Variants in GARRE1 observed in about 807,000 individuals in gnomAD.
The protein encoded by GARRE1 is granule associated Rac and RHOG effector protein 1.
A neutral mutation model predicts 103.2 loss-of-function variants in GARRE1; 49 were observed. The observed-to-expected ratio is 0.47, with a 90% CI of 0.38 to 0.60. The LOEUF (loss-of-function observed/expected upper bound fraction) is 0.60. GARRE1 is among the 20% of genes least tolerant of loss of function. The probability of loss-of-function intolerance (pLI) is 0.00; values close to 1 mark genes in which losing one functional copy is unlikely to be tolerated. For missense variants in GARRE1, 1,199 were observed against 1,370.5 expected (o/e 0.87, Z 1.98); for synonymous variants, 505 against 532.8 (o/e 0.95, Z 0.72).
intron 7 of GARRE1, among the ~76,000 whole-genome samples, chr19:34,332,721 T>G (rs754789984): frequency 6.6e-6 from 1 of 152,256 alleles, no homozygotes; most frequent in Non-Finnish European, 1.5e-5. Flanking sequence ...TACACAACTC[T>G]GTACAGTTTT....
At chr19:34,279,101 G>T (rs2073835616) in intron 1 of GARRE1, among the ~76,000 whole-genome samples, 2 of 152,308 alleles carry the variant, frequency 1.3e-5, no homozygotes, top group Admixed American at 1.3e-4. Flanking sequence ...GTGAACATGG[G>T]TGAAGAAATA....
At chr19:34,312,196 G>A (rs2074040419) in intron 2 of GARRE1, among the ~76,000 whole-genome samples, 1 of 152,106 alleles carries the variant, frequency 6.6e-6, no homozygotes, top group African/African-American at 2.4e-5. Flanking sequence ...CTAGTTAAGG[G>A]GCTATTAGAG....
At chr19:34,284,882 T>TATTAAA (rs2145225531) in intron 1 of GARRE1, among the ~76,000 whole-genome samples, 1 of 152,246 alleles carries the variant, frequency 6.6e-6, no homozygotes, top group African/African-American at 2.4e-5. Context: ...AGAAGAATTT[T>TATTAAA]ATTAAAATAA....
intron 1 of GARRE1, among the ~76,000 whole-genome samples, chr19:34,275,054 A>G (rs2073808941): frequency 6.6e-6 from 1 of 152,190 alleles, no homozygotes; most frequent in Non-Finnish European, 1.5e-5. Context: ...TGAACTTCAT[A>G]GACAATAACT....
chr19:34,321,213 A>T (rs1007062273), intron 3 of GARRE1, among the ~76,000 whole-genome samples: 23 of 131,382 alleles, frequency 1.8e-4, no homozygotes, highest in Middle Eastern at 4.8e-3. Flanking sequence ...CCCGCCACCA[A>T]GCCCGGCTAA....
chr19:34,297,044 T>C (rs765714533), intron 1 of GARRE1, among the ~76,000 whole-genome samples: 57 of 152,314 alleles, frequency 3.7e-4, no homozygotes, highest in Admixed American at 1.3e-3. Context: ...TCCAGCACTT[T>C]GGGAGGCCGA....
At chr19:34,261,284 C>T (rs980726797) in intron 1 of GARRE1, among the ~76,000 whole-genome samples, 4 of 152,108 alleles carry the variant, frequency 2.6e-5, no homozygotes, top group Non-Finnish European at 5.9e-5. Flanking sequence ...TAGCACCTTT[C>T]TCTTAGTGTT....
At chr19:34,339,292 G>A (rs2074174979) in intron 8 of GARRE1, among the ~76,000 whole-genome samples, 1 of 152,184 alleles carries the variant, frequency 6.6e-6, no homozygotes, top group Admixed American at 6.5e-5. Context: ...CTCCAGGTTT[G>A]ATATTTTGCT....
chr19:34,276,046 TG>T (rs1479152539), intron 1 of GARRE1, among the ~76,000 whole-genome samples: 30 of 152,252 alleles, frequency 2.0e-4, no homozygotes, highest in African/African-American at 7.0e-4. Flanking sequence ...GTGTTTTGTT[TG>T]TTTTTTTTTC....
chr19:34,314,378 G>A (rs1416859746), intron 2 of GARRE1, among the ~76,000 whole-genome samples: 1 of 152,218 alleles, frequency 6.6e-6, no homozygotes, highest in South Asian at 2.1e-4. Flanking sequence ...GTACAAATAT[G>A]GGCTGTTTAG....
rs372355125 is a variant in GARRE1 at position 34,349,057 on chromosome 19, C to G, written c.2729C>G (p.Ser910Cys). ...GGCTGGTCGGGTGCTCAGGGAGACT[C>G]TGCCAGCTCGAGTGATGAGACATCC... ...HGGWSGAQGDSASSSDETSSA... is the reference protein window; with the variant it reads ...HGGWSGAQGDCASSSDETSSA... The change falls in exon 12 of 14, where the codon TCT becomes TGT. Residue 910 changes from serine (S) to cysteine (C), a missense_variant. Transcript: ENST00000299505. 68 of 1,612,446 alleles carry G rather than the reference C, an allele frequency of 4.2e-5. No homozygotes were observed. Among genetic ancestry groups the G allele is most frequent in the Non-Finnish European group, 5.4e-5 (64 of 1,180,026 alleles).
intron 2 of GARRE1, among the ~76,000 whole-genome samples, chr19:34,311,325 C>T (rs908236575): frequency 2.6e-5 from 4 of 152,148 alleles, no homozygotes; most frequent in East Asian, 1.9e-4. Flanking sequence ...TGGTTCATGA[C>T]GGTGTAACTA....
intron 8 of GARRE1, 87 bp downstream of exon 8, chr19:34,333,888 C>CAT: frequency 1.2e-6 from 1 of 847,740 alleles, no homozygotes; most frequent in Non-Finnish European, 2.0e-6. Context: ...TGAACAATGC[C>CAT]CATGCTAGCT....
At chr19:34,301,783 T>C (rs1455684576) in intron 2 of GARRE1, among the ~76,000 whole-genome samples, 1 of 148,334 alleles carries the variant, frequency 6.7e-6, no homozygotes, top group African/African-American at 2.5e-5. Flanking sequence ...CCTGGGTTCA[T>C]GCCATTCTCC....
chr19:34,296,454 G>A, intron 1 of GARRE1: 1 of 1,591,900 alleles, frequency 6.3e-7, no homozygotes, highest in Non-Finnish European at 8.5e-7. Flanking sequence ...GGCAATGTAG[G>A]CAAGTCGATC....
Position 34,352,989 on chromosome 19 carries a change from T to C in GARRE1, c.*34T>C, listed in dbSNP as rs749527522. 130 of 1,268,150 alleles carry C rather than the reference T, an allele frequency of 1.0e-4. No individual in the cohort carries two copies. The highest frequency in any genetic ancestry group is 1.4e-4 in the Admixed American group (6 of 43,172). The allele number at this position is 1,268,150 out of a possible 1,614,324, so 78.6% of individuals were successfully genotyped here. A position where few individuals can be genotyped will look rare whatever the true frequency, so the allele number is the denominator to read the frequency against. ...CAGCCAGCCTGCCTGCCTGCCTGCC[T>C]GCCCGCCCAGAGCTGTGGGGATGAG... On this transcript the variant is annotated 3_prime_UTR_variant, in exon 14 of 14. Transcript: ENST00000299505.
chr19:34,266,872 G>T (rs1201176034), intron 1 of GARRE1, among the ~76,000 whole-genome samples: 1 of 151,896 alleles, frequency 6.6e-6, no homozygotes, highest in African/African-American at 2.4e-5. Context: ...TTATATATAA[G>T]CTTCTGGATA....
chr19:34,309,033 C>T (rs1043172795), intron 2 of GARRE1, among the ~76,000 whole-genome samples: 1 of 151,832 alleles, frequency 6.6e-6, no homozygotes, highest in African/African-American at 2.4e-5. Flanking sequence ...CAGCAAGAAC[C>T]GCACAACACA....
chr19:34,286,213 C>T (rs1049273854), intron 1 of GARRE1, among the ~76,000 whole-genome samples: 8 of 116,840 alleles, frequency 6.8e-5, no homozygotes, highest in Non-Finnish European at 1.7e-4. Flanking sequence ...AAGGGAGGTG[C>T]CTTTCTGTAT....
Sources: gnomAD v4.1 joint callset for allele counts (sites outside exome capture counted in the v4.1 genomes callset) on GRCh38, gnomAD v4.1.1 for gene constraint, MANE v1.5 for transcripts, NCBI Gene and HGNC (gene_info 2026-07-23, HGNC 2026-07-21) for gene names.